The following PSME3IP1 variants were observed in gnomAD, a reference collection of about 807,000 sequenced individuals.
PSME3IP1 encodes the protein PSME3-interacting protein.
PSME3IP1 carries 13 observed loss-of-function variants against 34.1 expected under a neutral mutation model. The ratio of observed to expected loss-of-function variants is 0.38; its 90% confidence interval spans 0.25 to 0.61. PSME3IP1 has a LOEUF of 0.61. PSME3IP1 is among the 20% of genes least tolerant of loss of function. PSME3IP1 has a pLI of 0.60. For missense variants in PSME3IP1, 237 were observed against 301.4 expected, an observed-to-expected ratio of 0.79 and a Z score of 1.58; for synonymous variants, 93 against 114.3, an observed-to-expected ratio of 0.81 and a Z score of 1.19.
At chr16:57,158,165 A>T (rs2070780404) in intron 6 of PSME3IP1, among the ~76,000 whole-genome samples, 1 of 152,232 alleles carries the variant, frequency 6.6e-6, no homozygotes, top group South Asian at 2.1e-4. Context: ...TAAAAATGTG[A>T]TGCTCTTTTA....
chr16:57,155,316 C>T (rs1420905725), intron 6 of PSME3IP1, among the ~76,000 whole-genome samples: 1 of 152,170 alleles, frequency 6.6e-6, no homozygotes, highest in Non-Finnish European at 1.5e-5. Flanking sequence ...ATGACAAAGA[C>T]CTCAATCTAG....
chr16:57,182,604 C>A (rs1597793833), intron 1 of PSME3IP1, among the ~76,000 whole-genome samples: 1 of 137,348 alleles, frequency 7.3e-6, no homozygotes. Flanking sequence ...CAGACAAGGC[C>A]AACTAAGATT....
chr16:57,167,639 A>G (rs1279339104), intron 4 of PSME3IP1, among the ~76,000 whole-genome samples: 2 of 152,124 alleles, frequency 1.3e-5, no homozygotes, highest in Non-Finnish European at 2.9e-5. Flanking sequence ...TGTTGTTCTG[A>G]CTATCAGTGG....
In PSME3IP1 at chr16:57,186,032, G is replaced by T; in HGVS notation, c.-227C>A. 1 of 984,946 alleles carries T rather than the reference G, an allele frequency of 1.0e-6. No individual in the cohort carries two copies. The allele number at this position is 984,946 out of a possible 1,614,324, so 61.0% of individuals were successfully genotyped here. A position where few individuals can be genotyped will look rare whatever the true frequency, so the allele number is the denominator to read the frequency against. On this transcript the variant is annotated 5_prime_UTR_variant, in exon 1 of 7. Coordinates refer to ENST00000309137, the MANE Select transcript of PSME3IP1 (RefSeq NM_024946.4). ...CCTTCAGGGCTTCCTGTTCCTCACC[G>T]CCACAATAGAGTCCCGCCCCACTTC...
At position 57,185,800 on chromosome 16, in the gene PSME3IP1, C is replaced by G. The variant is rs529940617; in HGVS notation, c.-16+21G>C. On this transcript the variant is annotated intron_variant, in intron 1 of 6. Transcript: ENST00000309137. ...TGGAACCCAGGTGTCGCCGCCAGGCCAGGACCGAGGCCGCACTCACCTACC... is the reference window on the plus strand; with the variant it reads ...TGGAACCCAGGTGTCGCCGCCAGGCGAGGACCGAGGCCGCACTCACCTACC... The G allele has an allele frequency of 3.0e-6, 3 of 985,514 alleles. No individual in the cohort carries two copies. In the South Asian group the frequency reaches 1.4e-4, roughly 46 times the overall value. 61.0% of individuals were successfully genotyped at this position (985,514 alleles called of 1,614,324 possible).
At position 57,154,326 on chromosome 16, in the gene PSME3IP1, G is replaced by C. The variant is rs773089718; in HGVS notation, c.729C>G (p.Ser243=). The C allele has an allele frequency of 1.9e-6, 3 of 1,613,990 alleles. No homozygotes were observed. The highest frequency in any genetic ancestry group is 2.7e-5 in the African/African-American group (2 of 74,906). The change falls in exon 7 of 7, where the codon TCC becomes TCG. Residue 243 remains serine (S), a synonymous_variant. Transcript: ENST00000309137. The surrounding 1 kb of genome is among the most constrained non-coding windows in gnomAD (Gnocchi z 4.0). ...TINATGKIVS[S]IFRTNTFLEA... is the part of the protein sequence containing the mutation. ...CGAGGAAGGTGTTGGTTCGGAAGAT[G>C]GAGGAGACAATCTTTCCGGTGGCAT...
intron 1 of PSME3IP1, among the ~76,000 whole-genome samples, chr16:57,179,936 C>A (rs7204054): frequency 0.45 from 68,430 of 152,060 alleles, 15,556 homozygotes; most frequent in Non-Finnish European, 0.48. Context: ...AGACTTATTT[C>A]TGGCCAGAAG....
Position 57,174,802 on chromosome 16 carries a change from A to G in PSME3IP1, c.-15-933T>C, listed in dbSNP as rs141364643. On this transcript the variant is annotated intron_variant, in intron 1 of 6. Transcript: ENST00000309137. ...TGAATACTAATCTGACTCTTCATTT[A>G]TATCTCTTCTGACCTTCCTCCCTGT... 171 of 531,872 alleles carry G rather than the reference A, an allele frequency of 3.2e-4. 1 individual carries two copies. The highest frequency in any genetic ancestry group is 3.2e-3 in the African/African-American group (153 of 48,388). The allele number at this position is 531,872 out of a possible 1,614,324, so 32.9% of individuals were successfully genotyped here. A position where few individuals can be genotyped will look rare whatever the true frequency, so the allele number is the denominator to read the frequency against.
rs539534441 is a variant in PSME3IP1 at position 57,160,243 on chromosome 16, T to C, written c.547+3758A>G. On this transcript the variant is annotated intron_variant, in intron 6 of 6. Transcript: ENST00000309137. ...AAGCGGAGCTTGCAGTGAGCCGAGA[T>C]TGCGCCACTGCAGTCCGCAGTCCGG... 5.7e-3 allele frequency among the ~76,000 whole-genome samples: 868 copies of C among 151,430 alleles called. 12 individuals are homozygous for C. Among genetic ancestry groups the C allele is most frequent in the African/African-American group, 0.02 (840 of 41,130 alleles).
chr16:57,158,161 T>C (rs1467314684), intron 6 of PSME3IP1, among the ~76,000 whole-genome samples: 1 of 152,226 alleles, frequency 6.6e-6, no homozygotes, highest in East Asian at 1.9e-4. Flanking sequence ...GGTATAAAAA[T>C]GTGATGCTCT....
At chr16:57,158,045 C>T (rs1416216339) in intron 6 of PSME3IP1, among the ~76,000 whole-genome samples, 1 of 152,150 alleles carries the variant, frequency 6.6e-6, no homozygotes, top group Non-Finnish European at 1.5e-5. Flanking sequence ...TAGCACAGGG[C>T]CTGGCTCAGA....
chr16:57,175,386 C>T (rs1414549585), intron 1 of PSME3IP1, among the ~76,000 whole-genome samples: 1 of 152,104 alleles, frequency 6.6e-6, no homozygotes, highest in Non-Finnish European at 1.5e-5. Flanking sequence ...GTGGAATTAA[C>T]CCCTACCCAG....
intron 1 of PSME3IP1, among the ~76,000 whole-genome samples, chr16:57,179,673 C>A (rs143522265): frequency 3.3e-5 from 5 of 152,342 alleles, no homozygotes; most frequent in African/African-American, 1.2e-4. Flanking sequence ...GCCACCATAT[C>A]CTTCTAATTC....
At chr16:57,157,022 A>T (rs1223713141) in intron 6 of PSME3IP1, among the ~76,000 whole-genome samples, 1 of 152,234 alleles carries the variant, frequency 6.6e-6, no homozygotes, top group East Asian at 1.9e-4. Context: ...AAGAAGAATA[A>T]AGTAGCTGAG....
intron 1 of PSME3IP1, among the ~76,000 whole-genome samples, chr16:57,182,122 A>G (rs2073771359): frequency 6.6e-6 from 1 of 152,208 alleles, no homozygotes; most frequent in South Asian, 2.1e-4. Context: ...GCTGCCAGCC[A>G]TCAGTCAGCT....
intron 6 of PSME3IP1, among the ~76,000 whole-genome samples, chr16:57,157,048 C>A (rs1310219537): frequency 6.6e-6 from 1 of 152,140 alleles, no homozygotes; most frequent in African/African-American, 2.4e-5. Flanking sequence ...TGGCTCATGC[C>A]TGTAATCCCA....
intron 5 of PSME3IP1, among the ~76,000 whole-genome samples, chr16:57,164,717 C>T (rs1200729970): frequency 6.6e-6 from 1 of 152,144 alleles, no homozygotes; most frequent in African/African-American, 2.4e-5. Flanking sequence ...GCAGGGAGTA[C>T]ACAGCAGGTT....
rs11555755 is a variant in PSME3IP1, at chr16:57,172,805, T to C, written c.197A>G (p.Gln66Arg). 1 of 1,613,738 alleles carries C rather than the reference T, an allele frequency of 6.2e-7. No individual in the cohort carries two copies. The highest frequency in any genetic ancestry group is 8.5e-7 in the Non-Finnish European group (1 of 1,179,576). The part of the protein sequence containing the change: ...ERLQEQKDRK[Q>R]QEYEEQFKFK... ...TTTGAACTGTTCCTCGTACTCCTGC[T>C]GCTTCCTGTCCTTCTGTTCCTGTAG... is the stretch of plus-strand genomic sequence containing the variant. The change falls in exon 3 of 7, where the codon CAG becomes CGG. Residue 66 changes from glutamine to arginine, a missense_variant. Transcript: ENST00000309137.
chr16:57,164,946 G>A (rs111511994), intron 5 of PSME3IP1, among the ~76,000 whole-genome samples: 5,388 of 151,564 alleles, frequency 0.036, 103 homozygotes, highest in Middle Eastern at 0.11. Context: ...CATGAGAATC[G>A]CTTGAACCCG....
Sources: allele counts gnomAD v4.1 joint callset (sites outside exome capture counted in the v4.1 genomes callset), GRCh38; gene constraint gnomAD v4.1.1; non-coding constraint Gnocchi (gnomAD v3.1); transcripts MANE v1.5; gene names NCBI Gene and HGNC (gene_info 2026-07-23, HGNC 2026-07-21).